Variants in PLCG2 observed in about 807,000 individuals in gnomAD.
PLCG2 encodes the protein 1-phosphatidylinositol 4,5-bisphosphate phosphodiesterase gamma-2.
Under a neutral mutation model 175.6 loss-of-function variants are expected in PLCG2, and 69 were observed. The observed-to-expected ratio is 0.39, with a 90% CI of 0.32 to 0.48. The LOEUF (loss-of-function observed/expected upper bound fraction) is 0.48, where lower values mean the gene tolerates loss of function less well. Among genes scored for constraint, PLCG2 ranks in the 20% least tolerant of loss-of-function variants. The pLI is 0.91. For synonymous variants in PLCG2, 827 were observed against 624.0 expected (o/e 1.33, Z -4.85); for missense variants, 1,798 against 1,650.9 (o/e 1.09, Z -1.54).
chr16:81,810,709 A>G (rs1019685712), intron 2 of PLCG2, among the ~76,000 whole-genome samples: 5 of 149,288 alleles, frequency 3.3e-5, no homozygotes, highest in African/African-American at 1.2e-4. Flanking sequence ...TTTATTTCTC[A>G]TTAATTCATT....
At chr16:81,813,509 C>G (rs550559884) in intron 2 of PLCG2, among the ~76,000 whole-genome samples, 1 of 152,132 alleles carries the variant, frequency 6.6e-6, no homozygotes, top group Non-Finnish European at 1.5e-5. Flanking sequence ...GATTTTTGCA[C>G]ATTGATTTTG....
intron 2 of PLCG2, among the ~76,000 whole-genome samples, chr16:81,826,007 A>G (rs1905030113): frequency 6.6e-6 from 1 of 152,190 alleles, no homozygotes; most frequent in African/African-American, 2.4e-5. Context: ...GAGCTCTGGA[A>G]ATGTTGTCTG....
chr16:81,886,769 C>G (rs187962968), intron 9 of PLCG2, among the ~76,000 whole-genome samples: 1 of 152,270 alleles, frequency 6.6e-6, no homozygotes, highest in Non-Finnish European at 1.5e-5. Context: ...CCTGTACCTC[C>G]TGGGGTGGTG....
chr16:81,938,996 T>G, intron 29 of PLCG2, 81 bp downstream of exon 29: 1 of 789,192 alleles, frequency 1.3e-6, no homozygotes, highest in South Asian at 1.5e-5. Flanking sequence ...GTGGGGGATT[T>G]TGCAATGCTC....
chr16:81,762,157 T>G (rs1044384714), intron 2 of PLCG2, among the ~76,000 whole-genome samples: 1 of 152,170 alleles, frequency 6.6e-6, no homozygotes, highest in African/African-American at 2.4e-5. Context: ...CTCTGTTTGC[T>G]TTGTCACATC....
At chr16:81,917,359 G>C (rs934671306) in intron 19 of PLCG2, among the ~76,000 whole-genome samples, 2 of 152,156 alleles carry the variant, frequency 1.3e-5, no homozygotes, top group East Asian at 1.9e-4. Flanking sequence ...ATGAACATGG[G>C]AGTGCAGCTT....
rs59773113 is a variant in PLCG2, at chr16:81,905,714, A to G, written c.1467+207A>G. On this transcript the variant is annotated intron_variant, in intron 15 of 32. Transcript: ENST00000564138. ...CACTCTGTCGCCCAGGCTGGAGTGT[A>G]GTGGTGTGATTGCGGCTCACTGCAG... Among the ~76,000 whole-genome samples the G allele has an allele frequency of 0.14, 20,960 of 152,152 alleles. 2,008 individuals are homozygous for G. Among genetic ancestry groups the G allele is most frequent in the African/African-American group, 0.27 (11,269 of 41,492 alleles).
At chr16:81,779,609 G>T (rs1224693049) in intron 1 of PLCG2, among the ~76,000 whole-genome samples, 185 bp downstream of exon 1, 1 of 152,064 alleles carries the variant, frequency 6.6e-6, no homozygotes, top group African/African-American at 2.4e-5. Flanking sequence ...TGACGGCAGG[G>T]ATCCTGGCCC....
chr16:81,785,667 G>C, intron 1 of PLCG2: 1 of 238,176 alleles, frequency 4.2e-6, no homozygotes. Flanking sequence ...GGAGAGAGGG[G>C]ACTCACTGCC....
At chr16:81,865,320 C>G (rs1268056054) in intron 5 of PLCG2, among the ~76,000 whole-genome samples, 1 of 152,092 alleles carries the variant, frequency 6.6e-6, no homozygotes, top group Non-Finnish European at 1.5e-5. Context: ...GCTCAGCCTG[C>G]CTGTGCTGGT....
chr16:81,868,768 C>T (rs1408372647), intron 5 of PLCG2, among the ~76,000 whole-genome samples: 2 of 152,214 alleles, frequency 1.3e-5, no homozygotes, highest in Non-Finnish European at 1.5e-5. Context: ...CATTTTCTGC[C>T]CACACTGAAT....
upstream of PLCG2, among the ~76,000 whole-genome samples, chr16:81,775,445 C>G (rs1016303586): frequency 4.7e-4 from 71 of 152,276 alleles, no homozygotes; most frequent in African/African-American, 1.5e-3. Flanking sequence ...CATGCTTTCA[C>G]AGGAGGTCTT....
intron 2 of PLCG2, among the ~76,000 whole-genome samples, chr16:81,799,630 G>T (rs575858581): frequency 2.2e-5 from 3 of 136,882 alleles, no homozygotes; most frequent in Admixed American, 8.0e-5. Context: ...ACAGAGTCTC[G>T]CTCTATTGCC....
chr16:81,761,916 C>T (rs1910049890), intron 2 of PLCG2, among the ~76,000 whole-genome samples: 1 of 150,162 alleles, frequency 6.7e-6, no homozygotes, highest in African/African-American at 2.5e-5. Context: ...ACTCTAACCT[C>T]TGCCTCCTAG....
chr16:81,744,136 G>A (rs74317647), intron 1 of PLCG2, among the ~76,000 whole-genome samples: 8 of 150,908 alleles, frequency 5.3e-5, no homozygotes. Context: ...GGGATTACAG[G>A]TGTGAGCCAC....
Position 81,785,972 on chromosome 16 carries a change from T to G in PLCG2, c.-18T>G. On this transcript the variant is annotated 5_prime_UTR_variant, in exon 2 of 33. Coordinates refer to ENST00000564138, the MANE Select transcript of PLCG2 (RefSeq NM_002661.5). ...CTGATTTCTCCCGATTCCTTCCTTC[T>G]CCCTGGAGCGGCCGACAATGTCCAC... is the stretch of plus-strand genomic sequence containing the variant. 6.2e-7 allele frequency: 1 copy of G among 1,607,288 alleles called. No individual in the cohort carries two copies.
At chr16:81,930,204 T>C (rs1325225166) in intron 24 of PLCG2, among the ~76,000 whole-genome samples, 1 of 152,124 alleles carries the variant, frequency 6.6e-6, no homozygotes, top group Non-Finnish European at 1.5e-5. Flanking sequence ...ATGCAATACA[T>C]GTAATCTGCT....
At chr16:81,851,758 C>T in intron 2 of PLCG2, among the ~76,000 whole-genome samples, 1 of 152,210 alleles carries the variant, frequency 6.6e-6, no homozygotes, top group East Asian at 1.9e-4. Flanking sequence ...AGTGATCTGC[C>T]CGCCTTGGCC....
chr16:81,786,209 T>G, intron 2 of PLCG2, 27 bp downstream of exon 2: 1 of 1,600,948 alleles, frequency 6.2e-7, no homozygotes, highest in Non-Finnish European at 8.5e-7. Flanking sequence ...TGGGGCAGTG[T>G]GGCCCGTCCT....
Sources: gnomAD v4.1 joint callset for allele counts (sites outside exome capture counted in the v4.1 genomes callset) on GRCh38, gnomAD v4.1.1 for gene constraint, MANE v1.5 for transcripts, NCBI Gene and HGNC (gene_info 2026-07-23, HGNC 2026-07-21) for gene names.